The following DOCK3 variants were observed in gnomAD, a reference collection of about 807,000 sequenced individuals.
DOCK3 encodes dedicator of cytokinesis 3, also known as dedicator of cytokinesis protein 3.
DOCK3 carries 60 observed loss-of-function variants against 265.6 expected under a neutral mutation model. The observed-to-expected ratio is 0.23, with a 90% CI of 0.18 to 0.28. The LOEUF (loss-of-function observed/expected upper bound fraction) is 0.28, where lower values mean the gene tolerates loss of function less well. Ranked by LOEUF, DOCK3 falls within the 10% of genes least tolerant of loss-of-function variation. The pLI, the probability that DOCK3 is intolerant of heterozygous loss-of-function variation, is 1.00. For synonymous variants in DOCK3, 881 were observed against 938.0 expected (o/e 0.94, Z 1.11); for missense variants, 1,981 against 2,594.3 (o/e 0.76, Z 5.14).
At chr3:51,084,946 C>G (rs1315664018) in intron 7 of DOCK3, among the ~76,000 whole-genome samples, 1 of 152,078 alleles carries the variant, frequency 6.6e-6, no homozygotes, top group African/African-American at 2.4e-5. Context: ...CTCAGTTTAC[C>G]TATAACGACA....
intron 2 of DOCK3, among the ~76,000 whole-genome samples, chr3:50,804,522 C>T (rs898448040): frequency 3.3e-5 from 5 of 152,124 alleles, no homozygotes; most frequent in East Asian, 1.9e-4. Context: ...GGATCACTCA[C>T]GTTTAGGAGC....
chr3:50,815,728 T>C (rs1435453362), intron 2 of DOCK3, among the ~76,000 whole-genome samples: 1 of 152,156 alleles, frequency 6.6e-6, no homozygotes, highest in Non-Finnish European at 1.5e-5. Flanking sequence ...TTATTTGTCC[T>C]ACATTTCAAG....
intron 1 of DOCK3, among the ~76,000 whole-genome samples, chr3:50,739,973 T>C (rs1031419104): frequency 3.9e-5 from 6 of 152,134 alleles, no homozygotes; most frequent in Admixed American, 1.3e-4. Context: ...CCCAGAAGTT[T>C]CTTAAGCCTC....
intron 51 of DOCK3, 82 bp downstream of exon 51, chr3:51,375,917 A>C: frequency 6.9e-7 from 1 of 1,457,776 alleles, no homozygotes; most frequent in African/African-American, 1.4e-5. Context: ...CCAGCTGGCC[A>C]GGGCTAAGCC....
chr3:51,342,371 G>T (rs2085298076), intron 38 of DOCK3, among the ~76,000 whole-genome samples: 1 of 152,194 alleles, frequency 6.6e-6, no homozygotes, highest in African/African-American at 2.4e-5. Flanking sequence ...GGATGCCCAT[G>T]CTCAGCTCTC....
intron 5 of DOCK3, among the ~76,000 whole-genome samples, chr3:50,970,607 G>A (rs1268646044): frequency 6.6e-6 from 1 of 150,882 alleles, no homozygotes; most frequent in Non-Finnish European, 1.5e-5. Flanking sequence ...ATTTCCAGAA[G>A]TTCTATTTGG....
At chr3:50,723,242 C>CT (rs2037589084) in intron 1 of DOCK3, among the ~76,000 whole-genome samples, 3 of 152,014 alleles carry the variant, frequency 2.0e-5, no homozygotes, top group Non-Finnish European at 4.4e-5. Flanking sequence ...CATACCAAAC[C>CT]GTAAAAAGAA....
chr3:50,733,572 A>G (rs1050714289), intron 1 of DOCK3, among the ~76,000 whole-genome samples: 1 of 152,162 alleles, frequency 6.6e-6, no homozygotes, highest in Non-Finnish European at 1.5e-5. Flanking sequence ...TTTGGATGGA[A>G]TATCTTTTTC....
At chr3:51,052,216 CTA>C (rs2081018941) in intron 5 of DOCK3, among the ~76,000 whole-genome samples, 1 of 152,110 alleles carries the variant, frequency 6.6e-6, no homozygotes, top group Admixed American at 6.5e-5. Context: ...TTTAAAAGGA[CTA>C]GAGTAGGCTG....
At position 51,024,711 on chromosome 3, in the gene DOCK3, C is replaced by G. The variant is rs150123447; in HGVS notation, c.316-39737C>G. Among the ~76,000 whole-genome samples the G allele has an allele frequency of 2.4e-3, 361 of 152,322 alleles. 1 individual carries two copies. The highest frequency in any genetic ancestry group is 9.0e-3 in the Admixed American group (137 of 15,304). On this transcript the variant is annotated intron_variant, in intron 5 of 52. Transcript: ENST00000266037. ...GCAAGCCTGCATCTGGGCAGTGCTC[C>G]TCCTGTGGGGCTGCAGTCATCCTGA...
intron 35 of DOCK3, among the ~76,000 whole-genome samples, chr3:51,334,983 A>G (rs895991595): frequency 2.6e-5 from 4 of 152,138 alleles, no homozygotes. Context: ...CTCCAGACCA[A>G]TCTTCTGCTA....
intron 10 of DOCK3, among the ~76,000 whole-genome samples, chr3:51,147,863 G>A (rs781501177): frequency 6.6e-6 from 1 of 152,132 alleles, no homozygotes; most frequent in African/African-American, 2.4e-5. Context: ...CCCAGTAATG[G>A]GATCACAGGG....
chr3:51,227,467 C>T (rs373087375), intron 16 of DOCK3, 22 bp downstream of exon 16: 1 of 1,613,242 alleles, frequency 6.2e-7, no homozygotes, highest in African/African-American at 1.3e-5. Flanking sequence ...TTCCCCCCCT[C>T]CACATTCCCT....
chr3:51,099,545 A>G (rs889882963), intron 9 of DOCK3, among the ~76,000 whole-genome samples: 7 of 152,042 alleles, frequency 4.6e-5, no homozygotes, highest in Admixed American at 1.3e-4. Context: ...CGTCTCACAT[A>G]TCAAAAAAAT....
intron 49 of DOCK3, among the ~76,000 whole-genome samples, chr3:51,365,828 G>A (rs1002344039): frequency 1.3e-5 from 2 of 152,174 alleles, no homozygotes; most frequent in Admixed American, 1.3e-4. Flanking sequence ...TGCATCCCAG[G>A]GATGAAGCTC....
chr3:51,157,319 CA>C (rs2085897610), intron 10 of DOCK3, among the ~76,000 whole-genome samples: 1 of 152,046 alleles, frequency 6.6e-6, no homozygotes, highest in Admixed American at 6.6e-5. Context: ...AATCTGGGCT[CA>C]CTGCAGCCTC....
chr3:51,305,760 G>GTGTGTA (rs57809294), intron 27 of DOCK3, among the ~76,000 whole-genome samples: 2 of 140,206 alleles, frequency 1.4e-5, no homozygotes, highest in South Asian at 2.3e-4. Flanking sequence ...GTGTGTGTGT[G>GTGTGTA]TTTTTATTAT....
At chr3:50,946,045 T>C (rs955210522) in intron 5 of DOCK3, among the ~76,000 whole-genome samples, 2 of 148,246 alleles carry the variant, frequency 1.3e-5, no homozygotes, top group South Asian at 2.1e-4. Context: ...TGAGCTATGA[T>C]TGAGCTACTT....
intron 2 of DOCK3, chr3:50,787,109 G>C (rs1576432859): frequency 1.4e-6 from 1 of 709,184 alleles, no homozygotes; most frequent in East Asian, 2.7e-5. Context: ...ATTTATTACA[G>C]GCAACAAACT....
Sources: allele counts gnomAD v4.1 joint callset (sites outside exome capture counted in the v4.1 genomes callset), GRCh38; gene constraint gnomAD v4.1.1; transcripts MANE v1.5; gene names NCBI Gene and HGNC (gene_info 2026-07-23, HGNC 2026-07-21).